STK33: variants seen among roughly 807,000 people sequenced by gnomAD.
STK33 encodes serine/threonine-protein kinase 33.
In STK33, 52 loss-of-function variants were observed where a neutral mutation model predicts 58.0. The ratio of observed to expected loss-of-function variants is 0.90; its 90% CI spans 0.72 to 1.13. STK33 has a LOEUF of 1.13. Ranked by LOEUF, STK33 falls within the 50% of genes most tolerant of loss-of-function variation. The pLI, the probability that STK33 is intolerant of heterozygous loss-of-function variation, is 0.00. For synonymous variants in STK33, 215 were observed against 200.1 expected, an observed-to-expected ratio of 1.07 and a Z score of -0.63; for missense variants, 630 against 604.2, an observed-to-expected ratio of 1.04 and a Z score of -0.45.
At chr11:8,567,826 C>T (rs1224242513) in intron 1 of STK33, among the ~76,000 whole-genome samples, 2 of 152,206 alleles carry the variant, frequency 1.3e-5, no homozygotes, top group Non-Finnish European at 2.9e-5. Flanking sequence ...AGTCATCAGT[C>T]TCAGATTATC....
chr11:8,558,043 G>C (rs1169296114), intron 1 of STK33, among the ~76,000 whole-genome samples: 1 of 152,080 alleles, frequency 6.6e-6, no homozygotes, highest in Non-Finnish European at 1.5e-5. Flanking sequence ...CAATTCACTA[G>C]GACACATGAA....
chr11:8,387,776 A>G (rs1848564343), downstream of STK33, among the ~76,000 whole-genome samples: 1 of 152,178 alleles, frequency 6.6e-6, no homozygotes, highest in Non-Finnish European at 1.5e-5. Flanking sequence ...TGAGGGGGTC[A>G]GTTGCTCTCC....
the STK33 span, among the ~76,000 whole-genome samples, chr11:8,382,259 G>T: frequency 6.6e-6 from 1 of 152,238 alleles, no homozygotes; most frequent in South Asian, 2.1e-4. Flanking sequence ...TGGACATGTG[G>T]CATCTTGCTG....
chr11:8,531,546 G>A (rs1954550176), intron 1 of STK33, among the ~76,000 whole-genome samples: 1 of 152,200 alleles, frequency 6.6e-6, no homozygotes, highest in Non-Finnish European at 1.5e-5. Context: ...ACAGATGCTG[G>A]CGGATGGCAG....
At chr11:8,445,562 C>T (rs1191898854) in intron 11 of STK33, among the ~76,000 whole-genome samples, 5 of 152,126 alleles carry the variant, frequency 3.3e-5, no homozygotes, top group Admixed American at 3.3e-4. Context: ...TCATCAATAC[C>T]TAGTTTATTG....
chr11:8,495,346 A>C (rs1565191052), intron 1 of STK33, among the ~76,000 whole-genome samples: 1 of 152,252 alleles, frequency 6.6e-6, no homozygotes, highest in East Asian at 1.9e-4. Context: ...ATATGAAAAA[A>C]AATCTCATCA....
intron 1 of STK33, among the ~76,000 whole-genome samples, chr11:8,517,075 G>A (rs368858420): frequency 1.4e-4 from 21 of 152,232 alleles, no homozygotes; most frequent in African/African-American, 3.6e-4. Flanking sequence ...ACTGGGAAAC[G>A]CCTCCCAGTA....
At chr11:8,587,245 T>C (rs1000517680) in intron 1 of STK33, among the ~76,000 whole-genome samples, 1 of 152,138 alleles carries the variant, frequency 6.6e-6, no homozygotes, top group African/African-American at 2.4e-5. Flanking sequence ...TATTAGAAAA[T>C]TTGAAAACAT....
intron 1 of STK33, among the ~76,000 whole-genome samples, chr11:8,481,398 A>G (rs1949787373): frequency 6.6e-6 from 1 of 152,240 alleles, no homozygotes; most frequent in African/African-American, 2.4e-5. Context: ...TGTCCTATTT[A>G]CATTGCCATT....
intron 4 of STK33, among the ~76,000 whole-genome samples, chr11:8,476,089 T>C (rs1949244730): frequency 6.6e-6 from 1 of 152,218 alleles, no homozygotes; most frequent in Non-Finnish European, 1.5e-5. Flanking sequence ...AAGATATTGC[T>C]AGTAGTTTAC....
chr11:8,512,171 A>G (rs1952383614), intron 1 of STK33, among the ~76,000 whole-genome samples: 2 of 152,148 alleles, frequency 1.3e-5, no homozygotes, highest in Non-Finnish European at 2.9e-5. Context: ...ATTCTCCTTT[A>G]TTTCTAGTGA....
chr11:8,432,039 A>G (rs1446273458), intron 14 of STK33, among the ~76,000 whole-genome samples: 3 of 152,222 alleles, frequency 2.0e-5, no homozygotes, highest in Non-Finnish European at 4.4e-5. Flanking sequence ...GTCAGAGACC[A>G]CGTCTTACGT....
intron 15 of STK33, among the ~76,000 whole-genome samples, chr11:8,413,104 G>C (rs1940552934): frequency 6.6e-6 from 1 of 152,166 alleles, no homozygotes; most frequent in Admixed American, 6.6e-5. Context: ...AATTTGGCAT[G>C]CCATCTGTTT....
At chr11:8,385,976 A>G in the STK33 span, among the ~76,000 whole-genome samples, 26 of 150,832 alleles carry the variant, frequency 1.7e-4, no homozygotes, top group South Asian at 2.9e-3. Context: ...GGGTTTCACC[A>G]TGTTAGCCAG....
intron 1 of STK33, among the ~76,000 whole-genome samples, chr11:8,513,533 T>C (rs187770102): frequency 6.6e-6 from 1 of 152,314 alleles, no homozygotes; most frequent in Admixed American, 6.5e-5. Context: ...AGAATCATGC[T>C]ATCCACCTCT....
At position 8,436,021 on chromosome 11, in the gene STK33, A is replaced by G; in HGVS notation, c.1060+6T>C. ...CTTTAGTAAATAATAACGCATCTATACTTACCACAGTCACTTATGGAATTC... is the reference window on the plus strand; with the variant it reads ...CTTTAGTAAATAATAACGCATCTATGCTTACCACAGTCACTTATGGAATTC... On this transcript the variant is annotated splice_donor_region_variant and intron_variant, in intron 13 of 15. Coordinates refer to ENST00000687296, the MANE Select transcript of STK33 (RefSeq NM_001352389.2). The G allele has an allele frequency of 6.5e-7, 1 of 1,541,610 alleles. No homozygotes were observed. Among genetic ancestry groups the G allele is most frequent in the South Asian group, 1.2e-5 (1 of 80,146 alleles).
At chr11:8,424,567 G>C (rs1238570905) in intron 14 of STK33, among the ~76,000 whole-genome samples, 1 of 151,762 alleles carries the variant, frequency 6.6e-6, no homozygotes, top group Non-Finnish European at 1.5e-5. Flanking sequence ...TCATCACACT[G>C]ACTTCCACAA....
chr11:8,375,157 A>G, the STK33 span, among the ~76,000 whole-genome samples: 1 of 152,214 alleles, frequency 6.6e-6, no homozygotes, highest in East Asian at 1.9e-4. Flanking sequence ...GGTTTTAATT[A>G]ATGTTACTCT....
chr11:8,353,911 G>C, the STK33 span, among the ~76,000 whole-genome samples: 1 of 152,242 alleles, frequency 6.6e-6, no homozygotes, highest in East Asian at 1.9e-4. Context: ...AGGGTGGGAT[G>C]AAGGTCTGGA....
Sources: gnomAD v4.1 joint callset for allele counts (sites outside exome capture counted in the v4.1 genomes callset) on GRCh38, gnomAD v4.1.1 for gene constraint, MANE v1.5 for transcripts, NCBI Gene and HGNC (gene_info 2026-07-23, HGNC 2026-07-21) for gene names.